MYO9B: variants seen among roughly 807,000 people sequenced by gnomAD.
The protein encoded by MYO9B is unconventional myosin-IXb.
MYO9B carries 71 observed loss-of-function variants against 229.5 expected under a neutral mutation model. The ratio of observed to expected loss-of-function variants is 0.31; its 90% CI spans 0.26 to 0.38. MYO9B has a LOEUF of 0.38. MYO9B is among the 10% of genes least tolerant of loss of function. The pLI is 1.00. For synonymous variants in MYO9B, 1,185 were observed against 1,235.8 expected, an observed-to-expected ratio of 0.96 and a Z score of 0.86; for missense variants, 2,255 against 2,920.5, an observed-to-expected ratio of 0.77 and a Z score of 5.25.
Position 17,212,291 on chromosome 19 carries a change from C to T in MYO9B, c.6455C>T (p.Ser2152Leu), listed in dbSNP as rs867833932. Residue 2152 changes from serine to leucine, a missense_variant, in exon 40 of 40, where the codon TCG becomes TTG. Ser to Leu is a moderately radical substitution (Grantham distance 145). Transcript: ENST00000682292. This position sits in a 1 kb window ranked among gnomAD's most constrained non-coding sequence, Gnocchi z 5.4. ...CCAACGTACTGCCTGCCCCCCGCCT[C>T]GGGCCAGACCAATGGCTGAGAGCCA... Reference protein sequence around the residue: ...DPPTYCLPPASGQTNG With the variant: ...DPPTYCLPPALGQTNG 5 of 1,516,850 alleles carry T rather than the reference C, an allele frequency of 3.3e-6. No homozygotes were observed. The highest frequency in any genetic ancestry group is 2.3e-5 in the Admixed American group (1 of 44,430). The allele number at this position is 1,516,850 out of a possible 1,614,324, so 94.0% of individuals were successfully genotyped here.
chr19:17,162,406 G>A lies in MYO9B; in HGVS notation c.1476G>A (p.Trp492Ter). The A allele has an allele frequency of 1.3e-6, 2 of 1,589,084 alleles. No individual in the cohort carries two copies. Among genetic ancestry groups the A allele is most frequent in the Non-Finnish European group, 1.7e-6 (2 of 1,168,724 alleles). ...CTCTGTACAGCGCCCTGTTCGACTG[G>A]ATTGTGCTGCGGATCAACCACGCAC... Reference protein sequence around the residue: ...AKSLYSALFDWIVLRINHALL... With the variant: ...AKSLYSALFD The change falls in exon 9 of 40, where the codon TGG becomes TGA. Residue 492 changes from tryptophan to a stop codon, truncating the protein, a stop_gained. Transcript: ENST00000682292. LOFTEE classifies it high-confidence loss of function.
intron 3 of MYO9B, among the ~76,000 whole-genome samples, chr19:17,149,466 C>A (rs1202069062): frequency 6.6e-6 from 1 of 152,186 alleles, no homozygotes; most frequent in African/African-American, 2.4e-5. Context: ...TCTCCCAGAC[C>A]AGCTTTGGAA....
chr19:17,093,111 C>T (rs949562978), intron 1 of MYO9B, among the ~76,000 whole-genome samples: 3 of 152,122 alleles, frequency 2.0e-5, no homozygotes, highest in African/African-American at 7.2e-5. Context: ...GTGGGCGGAT[C>T]ACCTGAGGTC....
At chr19:17,181,940 TA>T (rs2072866039) in intron 15 of MYO9B, among the ~76,000 whole-genome samples, 1 of 152,046 alleles carries the variant, frequency 6.6e-6, no homozygotes, top group African/African-American at 2.4e-5. Flanking sequence ...TACTTCCAGC[TA>T]ATTTTTTGTA....
intron 1 of MYO9B, among the ~76,000 whole-genome samples, chr19:17,092,816 A>G (rs1200620932): frequency 2.0e-5 from 3 of 151,336 alleles, no homozygotes; most frequent in Non-Finnish European, 4.4e-5. Context: ...GTATACAAGC[A>G]TATGACTATG....
intron 2 of MYO9B, among the ~76,000 whole-genome samples, chr19:17,141,178 A>T (rs1313177618): frequency 6.6e-6 from 1 of 151,656 alleles, no homozygotes; most frequent in East Asian, 1.9e-4. Context: ...CCCCTGTGGA[A>T]TGAGGCCTTC....
rs1274284690 is a variant in MYO9B, at chr19:17,113,175, T to G, written c.840+10618T>G. Among the ~76,000 whole-genome samples the G allele has an allele frequency of 2.0e-5, 3 of 152,080 alleles. No homozygotes were observed. In the South Asian group the frequency reaches 6.2e-4, roughly 31 times the overall value. On this transcript the variant is annotated intron_variant, in intron 2 of 39. Coordinates refer to ENST00000682292, the MANE Select transcript of MYO9B (RefSeq NM_004145.4). Reference sequence around the variant, plus strand: ...ATGCAGAGGTATTTGAGGCTGAGGGTCTCTGAGACCACTTGTCACTTTGCT... The same window carrying G: ...ATGCAGAGGTATTTGAGGCTGAGGGGCTCTGAGACCACTTGTCACTTTGCT...
chr19:17,205,113 T>G, intron 30 of MYO9B, 150 bp from the exon 31 acceptor site: 1 of 595,686 alleles, frequency 1.7e-6, no homozygotes, highest in Non-Finnish European at 2.9e-6. Flanking sequence ...ATCACGCCAT[T>G]GCGCTCTAGC....
In MYO9B at chr19:17,181,134, A is replaced by G. The variant is rs115746135; in HGVS notation, c.2333+94A>G. On this transcript the variant is annotated intron_variant, in intron 15 of 39. Coordinates refer to ENST00000682292, the MANE Select transcript of MYO9B (RefSeq NM_004145.4). ...GGGGCCTGCAGTCTTCCTAATTTGCATCGGCCACTAAAACCACAGTGCTGT... is the reference window on the plus strand; with the variant it reads ...GGGGCCTGCAGTCTTCCTAATTTGCGTCGGCCACTAAAACCACAGTGCTGT... The G allele has an allele frequency of 3.6e-4, 291 of 817,192 alleles. 1 individual carries two copies. The African/African-American group carries it at 4.2e-3, about 12-fold the overall frequency. The allele number at this position is 817,192 out of a possible 1,614,324, so 50.6% of individuals were successfully genotyped here. A position where few individuals can be genotyped will look rare whatever the true frequency, so the allele number is the denominator to read the frequency against.
intron 2 of MYO9B, among the ~76,000 whole-genome samples, chr19:17,106,227 TTCCAGTGATCC>T (rs2057792042): frequency 6.6e-6 from 1 of 152,154 alleles, no homozygotes; most frequent in Admixed American, 6.6e-5. Context: ...AACTCCTGGC[TTCCAGTGATCC>T]TCCCACCTCA....
rs1216652301 is a variant in MYO9B at position 17,154,311 on chromosome 19, C to T, written c.1099-4C>T. The T allele has an allele frequency of 5.6e-6, 9 of 1,610,054 alleles. No individual in the cohort carries two copies. The highest frequency in any genetic ancestry group is 8.5e-7 in the Non-Finnish European group (1 of 1,177,110). ...CCCAGAGTACCCATGCCTTTGTTTT[C>T]CAGCATAACTTGAAGATTGAAGATG... On this transcript the variant is annotated splice_region_variant and splice_polypyrimidine_tract_variant and intron_variant, in intron 5 of 39. Coordinates refer to ENST00000682292, the MANE Select transcript of MYO9B (RefSeq NM_004145.4).
rs974581617 is a variant in MYO9B at position 17,203,840 on chromosome 19, G to A, written c.4990+582G>A. Among the ~76,000 whole-genome samples, 76 of 151,884 alleles carry A rather than the reference G, an allele frequency of 5.0e-4. 1 individual carries two copies. Among genetic ancestry groups the A allele is most frequent in the Non-Finnish European group, 1.0e-4 (7 of 67,958 alleles). ...CTGTCTCTGTACACGCTGCTCCACC[G>A]CCTGAACCATCGGCCCCTCCTTCCC... On this transcript the variant is annotated intron_variant, in intron 30 of 39. Coordinates refer to ENST00000682292, the MANE Select transcript of MYO9B (RefSeq NM_004145.4).
intron 13 of MYO9B, 121 bp downstream of exon 13, chr19:17,173,084 A>G (rs974390465): frequency 8.6e-7 from 1 of 1,165,336 alleles, no homozygotes. Flanking sequence ...TGCAAACGCC[A>G]CCTGTCTACC....
chr19:17,111,943 C>G (rs12978850), intron 2 of MYO9B, among the ~76,000 whole-genome samples: 1 of 152,134 alleles, frequency 6.6e-6, no homozygotes, highest in African/African-American at 2.4e-5. Flanking sequence ...TCATACACGT[C>G]GTAGCATGGA....
intron 3 of MYO9B, among the ~76,000 whole-genome samples, chr19:17,148,759 T>C (rs1196812836): frequency 6.6e-6 from 1 of 152,140 alleles, no homozygotes; most frequent in Non-Finnish European, 1.5e-5. Flanking sequence ...AATTTTTGTA[T>C]TTTTAGTAAA....
In MYO9B at chr19:17,094,254, C is replaced by T. The variant is rs189918236; in HGVS notation, c.-58-7406C>T. On this transcript the variant is annotated intron_variant, in intron 1 of 39. Transcript: ENST00000682292. Reference sequence around the variant, plus strand: ...TTCTCCATGTTGGTCAGGCTGGTCTCGAACTCCCAACCTCAGGTGATCTGC... The same window carrying T: ...TTCTCCATGTTGGTCAGGCTGGTCTTGAACTCCCAACCTCAGGTGATCTGC... Among the ~76,000 whole-genome samples the T allele has an allele frequency of 3.1e-3, 470 of 152,260 alleles. 3 individuals are homozygous for T. The highest frequency in any genetic ancestry group is 0.011 in the African/African-American group (450 of 41,546).
chr19:17,206,225 G>GGGGGGCCCCC, intron 32 of MYO9B, 23 bp from the exon 33 acceptor site: 11 of 1,564,636 alleles, frequency 7.0e-6, no homozygotes, highest in Non-Finnish European at 8.7e-6. Flanking sequence ...CCGCTCACCA[G>GGGGGGCCCCC]ACCCACCCCA....
chr19:17,194,488 C>T (rs2073019275), intron 21 of MYO9B, 68 bp from the exon 22 acceptor site: 8 of 1,535,960 alleles, frequency 5.2e-6, no homozygotes, highest in South Asian at 2.4e-5. Flanking sequence ...GGGGTCCCAT[C>T]GGAACTCAGT....
chr19:17,107,693 C>T (rs913584822), intron 2 of MYO9B, among the ~76,000 whole-genome samples: 4 of 152,206 alleles, frequency 2.6e-5, no homozygotes, highest in Non-Finnish European at 4.4e-5. Context: ...GTGGCCACGT[C>T]ACATCAGTCT....
Sources: gnomAD v4.1 joint callset for allele counts (sites outside exome capture counted in the v4.1 genomes callset) on GRCh38, gnomAD v4.1.1 for gene constraint, Gnocchi (gnomAD v3.1) non-coding constraint, MANE v1.5 for transcripts, NCBI Gene and HGNC (gene_info 2026-07-23, HGNC 2026-07-21) for gene names.